Variants in RBM47 observed in about 807,000 individuals in gnomAD.
The protein encoded by RBM47 is RNA-binding protein 47.
In RBM47, 21 loss-of-function variants were observed where a neutral mutation model predicts 47.1. That is an observed-to-expected ratio of 0.45 (90% CI 0.32 to 0.64). The LOEUF is 0.64. Among genes scored for constraint, RBM47 ranks in the 30% least tolerant of loss-of-function variants. RBM47 has a pLI of 0.05. For missense variants in RBM47, 708 were observed against 870.9 expected (o/e 0.81, Z 2.35); for synonymous variants, 375 against 361.7 (o/e 1.04, Z -0.42).
intron 4 of RBM47, among the ~76,000 whole-genome samples, chr4:40,437,090 A>AATATAT (rs1247522305): frequency 6.0e-5 from 3 of 49,852 alleles, no homozygotes; most frequent in Non-Finnish European, 9.9e-5. Flanking sequence ...AAAAAAAAAA[A>AATATAT]ATATATATAT....
chr4:40,438,372 G>A lies in RBM47; in HGVS notation c.522C>T (p.Val174=), dbSNP rs1713049655. The A allele has an allele frequency of 3.1e-6, 5 of 1,612,362 alleles. No homozygotes were observed. The African/African-American group carries it at 6.7e-5, about 22-fold the overall frequency. Residue 174 remains valine (V), a synonymous_variant, in exon 4 of 7, where the codon GTC becomes GTT. Coordinates refer to ENST00000295971, the MANE Select transcript of RBM47 (RefSeq NM_001098634.2). ...CGATCACGTCCAGCACGCCCTCGGTGACCTTGGCAATCTCCTCCAGGATTT... is the reference window on the plus strand; with the variant it reads ...CGATCACGTCCAGCACGCCCTCGGTAACCTTGGCAATCTCCTCCAGGATTT... ...REEILEEIAK[V]TEGVLDVIVY... is the part of the protein sequence containing the mutation.
At chr4:40,468,200 T>C (rs1053517467) in intron 2 of RBM47, among the ~76,000 whole-genome samples, 1 of 152,136 alleles carries the variant, frequency 6.6e-6, no homozygotes, top group African/African-American at 2.4e-5. Flanking sequence ...GGCAGGAGAA[T>C]CACTTGAACC....
intron 2 of RBM47, among the ~76,000 whole-genome samples, chr4:40,526,052 T>C (rs1359758499): frequency 6.6e-6 from 1 of 152,208 alleles, no homozygotes; most frequent in Non-Finnish European, 1.5e-5. Context: ...AATGCAAGCA[T>C]GGACCTTAGA....
chr4:40,501,365 C>T (rs778717574), intron 2 of RBM47, among the ~76,000 whole-genome samples: 19 of 152,210 alleles, frequency 1.2e-4, no homozygotes, highest in Non-Finnish European at 2.1e-4. Flanking sequence ...TTAGGTTCTG[C>T]TGCTCACAGT....
intron 1 of RBM47, among the ~76,000 whole-genome samples, chr4:40,562,452 C>A (rs1033263334): frequency 6.7e-6 from 1 of 149,774 alleles, no homozygotes; most frequent in African/African-American, 2.5e-5. Context: ...TCTCCTCCCA[C>A]TTCTCCCTAT....
At chr4:40,608,985 T>TTTTATTTATTTATTTA (rs369701422) in intron 1 of RBM47, among the ~76,000 whole-genome samples, 5 of 152,012 alleles carry the variant, frequency 3.3e-5, no homozygotes, top group African/African-American at 1.2e-4. Context: ...ATACCTCTTC[T>TTTTATTTATTTATTTA]TTTATTTATT....
chr4:40,511,417 A>G (rs765565709), intron 2 of RBM47, among the ~76,000 whole-genome samples: 7 of 152,224 alleles, frequency 4.6e-5, no homozygotes, highest in Admixed American at 6.5e-5. Flanking sequence ...AACAAACAAG[A>G]ACGCTTGTAG....
In RBM47 at chr4:40,423,672, CTTTCTTTCTT is replaced by C. The variant is rs1438792291; in HGVS notation, c.*2222_*2231del. The C allele has an allele frequency of 8.6e-6, 1 of 115,628 alleles. No homozygotes were observed. Among genetic ancestry groups the C allele is most frequent in the Non-Finnish European group, 1.7e-5 (1 of 59,892 alleles). 7.2% of individuals were successfully genotyped at this position (115,628 alleles called of 1,614,324 possible). A position where few individuals can be genotyped will look rare whatever the true frequency, so the allele number is the denominator to read the frequency against. The stretch of plus-strand genomic sequence containing the variant: ...TTTCTTTTTCTTTCTTTCTTTCTTT[CTTTCTTTCTT>C]TCTTTCTTTCTTTCTTTCTTTCTTT... On this transcript the variant is annotated 3_prime_UTR_variant, in exon 7 of 7. Transcript: ENST00000295971.
chr4:40,483,100 A>G (rs1560407699), intron 2 of RBM47, among the ~76,000 whole-genome samples: 1 of 152,254 alleles, frequency 6.6e-6, no homozygotes, highest in Non-Finnish European at 1.5e-5. Context: ...TTAAAAGGTC[A>G]ACTCCAAGGC....
chr4:40,499,580 T>C (rs1291348869), intron 2 of RBM47, among the ~76,000 whole-genome samples: 1 of 152,180 alleles, frequency 6.6e-6, no homozygotes, highest in Non-Finnish European at 1.5e-5. Flanking sequence ...CAGCTAATCT[T>C]TTTATTTTTA....
At chr4:40,570,157 G>A (rs1212557267) in intron 1 of RBM47, among the ~76,000 whole-genome samples, 3 of 152,054 alleles carry the variant, frequency 2.0e-5, no homozygotes, top group Non-Finnish European at 4.4e-5. Context: ...TTTCCATGGT[G>A]GATAGGGGTG....
rs907093183 is a variant in RBM47 at position 40,569,490 on chromosome 4, A to G, written c.-239-24984T>C. Among the ~76,000 whole-genome samples the G allele has an allele frequency of 2.7e-5, 4 of 150,704 alleles. No homozygotes were observed. The South Asian group carries it at 8.3e-4, about 31-fold the overall frequency. ...AGTGGTGCGATCTCAGTTCACTGCA[A>G]TCTCCGCCTCCCGGGTTCACACCAT... is the stretch of plus-strand genomic sequence containing the variant. On this transcript the variant is annotated intron_variant, in intron 1 of 6. Coordinates refer to ENST00000295971, the MANE Select transcript of RBM47 (RefSeq NM_001098634.2).
At chr4:40,586,719 A>G (rs540475179) in intron 1 of RBM47, among the ~76,000 whole-genome samples, 35 of 151,700 alleles carry the variant, frequency 2.3e-4, no homozygotes, top group African/African-American at 8.2e-4. Context: ...GGACCTTGGA[A>G]GCAAGAGTCA....
chr4:40,503,072 C>T (rs1260862944), intron 2 of RBM47, among the ~76,000 whole-genome samples: 3 of 151,896 alleles, frequency 2.0e-5, no homozygotes, highest in Admixed American at 6.6e-5. Flanking sequence ...ACATCACAGA[C>T]TCAGAAACAG....
At chr4:40,579,295 G>A (rs1399714004) in intron 1 of RBM47, among the ~76,000 whole-genome samples, 14 of 146,602 alleles carry the variant, frequency 9.5e-5, no homozygotes, top group Admixed American at 3.4e-4. Context: ...GGTGGCACGC[G>A]CCTGTAGTCC....
At chr4:40,626,642 G>A (rs940824351) in intron 1 of RBM47, among the ~76,000 whole-genome samples, 3 of 152,124 alleles carry the variant, frequency 2.0e-5, no homozygotes, top group Non-Finnish European at 4.4e-5. Context: ...CAAAAGATAC[G>A]AGAACCTTAA....
upstream of RBM47, chr4:40,630,490 G>C (rs1405361133): frequency 1.3e-5 from 2 of 152,220 alleles, no homozygotes; most frequent in South Asian, 2.1e-4. Flanking sequence ...TTGGCCGCGC[G>C]CAGGCAGGAG....
intron 2 of RBM47, chr4:40,515,865 AC>A (rs1219789098): frequency 1.3e-5 from 2 of 152,182 alleles, no homozygotes; most frequent in Non-Finnish European, 2.9e-5. Context: ...TTGGTCTCCT[AC>A]CTTATGTGGA....
chr4:40,432,557 G>C, intron 6 of RBM47, 94 bp downstream of exon 6: 1 of 1,560,520 alleles, frequency 6.4e-7, no homozygotes, highest in Admixed American at 2.1e-5. Context: ...AGAGAGCCAG[G>C]CACACAGTAA....
Sources: gnomAD v4.1 joint callset for allele counts (sites outside exome capture counted in the v4.1 genomes callset) on GRCh38, gnomAD v4.1.1 for gene constraint, MANE v1.5 for transcripts, NCBI Gene and HGNC (gene_info 2026-07-23, HGNC 2026-07-21) for gene names.